GRM7: variants seen among roughly 807,000 people sequenced by gnomAD.
GRM7 encodes the protein metabotropic glutamate receptor 7.
Under a neutral mutation model 84.5 loss-of-function variants are expected in GRM7, and 35 were observed. The ratio of observed to expected loss-of-function variants is 0.41; its 90% confidence interval spans 0.32 to 0.55. The LOEUF (loss-of-function observed/expected upper bound fraction) is 0.55. GRM7 is among the 20% of genes least tolerant of loss of function. GRM7 has a pLI of 0.19. For synonymous variants in GRM7, 487 were observed against 455.1 expected, an observed-to-expected ratio of 1.07 and a Z score of -0.89; for missense variants, 1,003 against 1,194.6, an observed-to-expected ratio of 0.84 and a Z score of 2.36.
rs376085654 is a variant in GRM7 at position 7,128,442 on chromosome 3, T to C, written c.520-18010T>C. On this transcript the variant is annotated intron_variant, in intron 1 of 9. Transcript: ENST00000357716. ...TCTCATGGGTTCTTATTTGAGATTA[T>C]GTTTTACAGCTCTAGGTACTTTTCT... Among the ~76,000 whole-genome samples the C allele has an allele frequency of 2.6e-5, 4 of 151,524 alleles. No homozygotes were observed. The East Asian group carries it at 7.8e-4, about 30-fold the overall frequency.
chr3:7,015,841 AGT>A lies in GRM7; in HGVS notation c.520-130609_520-130608del, dbSNP rs1695545229. Among the ~76,000 whole-genome samples, 6 of 152,210 alleles carry A rather than the reference AGT, an allele frequency of 3.9e-5. 1 individual carries two copies. Among genetic ancestry groups the A allele is most frequent in the Admixed American group, 3.3e-4 (5 of 15,270 alleles). On this transcript the variant is annotated intron_variant, in intron 1 of 9. Coordinates refer to ENST00000357716, the MANE Select transcript of GRM7 (RefSeq NM_000844.4). Reference sequence around the variant, plus strand: ...TAAGAGAGAGCAAGAAGGAGGCCAGAGTGCCTTTGATAACTTAGTCTCAGAAG... The same window carrying A: ...TAAGAGAGAGCAAGAAGGAGGCCAGAGCCTTTGATAACTTAGTCTCAGAAG...
At chr3:7,047,265 A>G (rs1468650190) in intron 1 of GRM7, among the ~76,000 whole-genome samples, 1 of 152,022 alleles carries the variant, frequency 6.6e-6, no homozygotes, top group Non-Finnish European at 1.5e-5. Flanking sequence ...ATATTTTACA[A>G]TCTTAGAATC....
intron 1 of GRM7, among the ~76,000 whole-genome samples, chr3:6,873,521 G>A (rs1695200785): frequency 6.6e-6 from 1 of 152,146 alleles, no homozygotes; most frequent in Non-Finnish European, 1.5e-5. Flanking sequence ...ATCCCCAATG[G>A]TGAAATAATG....
chr3:6,912,117 G>A (rs1444939511), intron 1 of GRM7, among the ~76,000 whole-genome samples: 1 of 152,018 alleles, frequency 6.6e-6, no homozygotes, highest in Non-Finnish European at 1.5e-5. Flanking sequence ...AGGTTATTAA[G>A]TATTTTGAAT....
chr3:7,109,410 G>T (rs147534868), intron 1 of GRM7, among the ~76,000 whole-genome samples: 222 of 152,204 alleles, frequency 1.5e-3, no homozygotes, highest in African/African-American at 5.0e-3. Flanking sequence ...CAAATGTTTT[G>T]TGCTCCTCCC....
At chr3:7,090,452 C>T (rs76593603) in intron 1 of GRM7, among the ~76,000 whole-genome samples, 1,644 of 152,290 alleles carry the variant, frequency 0.011, 70 homozygotes, top group Admixed American at 0.081. Context: ...ACATAGCATT[C>T]TTTCAAATGC....
chr3:7,397,413 G>A (rs1000627098), intron 4 of GRM7, among the ~76,000 whole-genome samples: 5 of 152,094 alleles, frequency 3.3e-5, no homozygotes, highest in African/African-American at 7.2e-5. Flanking sequence ...AAAGGGTAGC[G>A]GGGAGGCAGA....
chr3:7,154,632 CAT>C (rs547053249), intron 2 of GRM7, among the ~76,000 whole-genome samples: 472 of 152,180 alleles, frequency 3.1e-3, no homozygotes, highest in East Asian at 0.01. Flanking sequence ...TGTAAGGAAA[CAT>C]AGCTCATCTT....
intron 4 of GRM7, among the ~76,000 whole-genome samples, chr3:7,393,772 G>A (rs554913179): frequency 1.3e-5 from 2 of 152,160 alleles, no homozygotes; most frequent in South Asian, 2.1e-4. Context: ...CACACTAGTA[G>A]CTTTTTTCCC....
In GRM7 at chr3:7,415,180, T is replaced by C. The variant is rs754515522; in HGVS notation, c.1174+17T>C. On this transcript the variant is annotated intron_variant, in intron 5 of 9. Coordinates refer to ENST00000357716, the MANE Select transcript of GRM7 (RefSeq NM_000844.4). ...AATGCACAGGTAATTTAATTCTCGTTGTCCTTCTCCTATTACTCTACGTGG... is the reference window on the plus strand; with the variant it reads ...AATGCACAGGTAATTTAATTCTCGTCGTCCTTCTCCTATTACTCTACGTGG... The C allele has an allele frequency of 5.6e-6, 9 of 1,608,634 alleles. No homozygotes were observed. In the African/African-American group the frequency reaches 1.1e-4, roughly 19 times the overall value.
chr3:7,129,020 C>T (rs1415488283), intron 1 of GRM7, among the ~76,000 whole-genome samples: 2 of 152,090 alleles, frequency 1.3e-5, no homozygotes, highest in African/African-American at 2.4e-5. Flanking sequence ...GAAAGTTGAA[C>T]GTGTTTAGTG....
Position 7,511,419 on chromosome 3 carries a change from G to T in GRM7, c.1515+49697G>T, listed in dbSNP as rs548437315. ...TACCTGGTCACATACAGAGGCTGCTGCACAGTGGTGAGTGCACCACAGACA... is the reference window on the plus strand; with the variant it reads ...TACCTGGTCACATACAGAGGCTGCTTCACAGTGGTGAGTGCACCACAGACA... On this transcript the variant is annotated intron_variant, in intron 7 of 9. Coordinates refer to ENST00000357716, the MANE Select transcript of GRM7 (RefSeq NM_000844.4). 4.7e-5 allele frequency among the ~76,000 whole-genome samples: 7 copies of T among 150,246 alleles called. No homozygotes were observed. The East Asian group carries it at 1.4e-3, about 29-fold the overall frequency.
intron 8 of GRM7, among the ~76,000 whole-genome samples, chr3:7,660,260 A>C (rs545400543): frequency 6.6e-6 from 1 of 152,292 alleles, no homozygotes; most frequent in African/African-American, 2.4e-5. Flanking sequence ...CAGCCTAACA[A>C]TTGGTGCCTC....
chr3:7,619,784 T>G (rs193242160), intron 8 of GRM7, among the ~76,000 whole-genome samples: 6 of 152,266 alleles, frequency 3.9e-5, no homozygotes, highest in Admixed American at 2.0e-4. Flanking sequence ...GGAAGGCTTA[T>G]TGAAGCTTTG....
intron 2 of GRM7, among the ~76,000 whole-genome samples, chr3:7,227,986 C>T (rs1340241437): frequency 6.6e-6 from 1 of 152,174 alleles, no homozygotes; most frequent in Non-Finnish European, 1.5e-5. Flanking sequence ...CATTCAGGTA[C>T]TCTTCTCTCA....
intron 8 of GRM7, among the ~76,000 whole-genome samples, chr3:7,593,642 C>T (rs953388389): frequency 2.0e-5 from 3 of 151,970 alleles, no homozygotes; most frequent in African/African-American, 7.3e-5. Flanking sequence ...AAAAGGTGCT[C>T]AGAGGAGAGT....
chr3:7,195,933 G>A (rs9851567), intron 2 of GRM7, among the ~76,000 whole-genome samples: 8,978 of 152,198 alleles, frequency 0.059, 774 homozygotes, highest in African/African-American at 0.19. Flanking sequence ...GAACAGAACC[G>A]ATAGGATGTG....
At chr3:7,162,932 G>T (rs963473581) in intron 2 of GRM7, among the ~76,000 whole-genome samples, 1 of 151,158 alleles carries the variant, frequency 6.6e-6, no homozygotes, top group African/African-American at 2.4e-5. Context: ...GCTAATTTTT[G>T]TATTTTTAGT....
chr3:7,040,745 T>C lies in GRM7; in HGVS notation c.520-105707T>C, dbSNP rs962296934. Among the ~76,000 whole-genome samples the C allele has an allele frequency of 3.9e-5, 6 of 152,080 alleles. No individual in the cohort carries two copies. In the East Asian group the frequency reaches 9.7e-4, roughly 25 times the overall value. On this transcript the variant is annotated intron_variant, in intron 1 of 9. Transcript: ENST00000357716. The stretch of plus-strand genomic sequence containing the variant: ...AGAGCATGTTAGAAATGTAGATCCT[T>C]AGGTGCCACTCCAAGTTCCTGACTC...
Sources: gnomAD v4.1 joint callset for allele counts (sites outside exome capture counted in the v4.1 genomes callset) on GRCh38, gnomAD v4.1.1 for gene constraint, MANE v1.5 for transcripts, NCBI Gene and HGNC (gene_info 2026-07-23, HGNC 2026-07-21) for gene names.